The following ABCG8 variants were observed in gnomAD, a reference collection of about 807,000 sequenced individuals.
ABCG8 encodes ATP-binding cassette sub-family G member 8.
ABCG8 carries 81 observed loss-of-function variants against 71.3 expected under a neutral mutation model. The ratio of observed to expected loss-of-function variants is 1.14; its 90% CI spans 0.95 to 1.37. The LOEUF (loss-of-function observed/expected upper bound fraction) is 1.37. ABCG8 is among the 40% of genes most tolerant of loss of function. ABCG8 has a pLI of 0.00. For synonymous variants in ABCG8, 451 were observed against 354.7 expected (o/e 1.27, Z -3.05); for missense variants, 1,119 against 866.2 (o/e 1.29, Z -3.66).
In ABCG8 at chr2:43,881,845, T is replaced by G. The variant is rs1269624342; in HGVS notation, c.*3932T>G. The G allele has an allele frequency of 1.3e-5, 2 of 152,130 alleles. No individual in the cohort carries two copies. The highest frequency in any genetic ancestry group is 2.9e-5 in the Non-Finnish European group (2 of 68,042). The allele number at this position is 152,130 out of a possible 1,614,324, so 9.4% of individuals were successfully genotyped here. On this transcript the variant is annotated 3_prime_UTR_variant, in exon 13 of 13. Transcript: ENST00000272286. Reference sequence around the variant, plus strand: ...GCTTGCAAAGTTTTCCTGTTAAGAGTCAGATAGTAAATATTTGGGACTTCG... The same window carrying G: ...GCTTGCAAAGTTTTCCTGTTAAGAGGCAGATAGTAAATATTTGGGACTTCG...
Position 43,878,015 on chromosome 2 carries a change from C to T in ABCG8, c.*102C>T. The stretch of plus-strand genomic sequence containing the variant: ...CCTGGGGACAGTGAGGACAATGACC[C>T]TACAGATGCTCAGCTACATCCGGCC... On this transcript the variant is annotated 3_prime_UTR_variant, in exon 13 of 13. Coordinates refer to ENST00000272286, the MANE Select transcript of ABCG8 (RefSeq NM_022437.3). 1 of 1,547,850 alleles carries T rather than the reference C, an allele frequency of 6.5e-7. No homozygotes were observed. Among genetic ancestry groups the T allele is most frequent in the Non-Finnish European group, 8.8e-7 (1 of 1,132,128 alleles).
In ABCG8 at chr2:43,877,898, A is replaced by G; in HGVS notation, c.2007A>G (p.Pro669=). The change falls in exon 13 of 13, where the codon CCA becomes CCG. Residue 669 remains proline, a synonymous_variant. Coordinates refer to ENST00000272286, the MANE Select transcript of ABCG8 (RefSeq NM_022437.3). ...YVSLRFIKQK[P]SQDW is the part of the protein sequence containing the mutation. ...CCTTAAGGTTCATCAAACAGAAACC[A>G]AGTCAAGACTGGTGATTCACGCCAG... The G allele has an allele frequency of 1.2e-6, 2 of 1,614,080 alleles. No homozygotes were observed. The highest frequency in any genetic ancestry group is 2.7e-5 in the African/African-American group (2 of 75,024).
At position 43,864,468 on chromosome 2, in the gene ABCG8, A is replaced by G. The variant is rs181104515; in HGVS notation, c.965-7508A>G. ...TCTGAATAGAATTCTCACTCTCTGG[A>G]TAGAACTCTATCTATCTAGATAGAA... On this transcript the variant is annotated intron_variant, in intron 6 of 12. Transcript: ENST00000272286. Among the ~76,000 whole-genome samples, 340 of 151,796 alleles carry G rather than the reference A, an allele frequency of 2.2e-3. 1 individual carries two copies. In the Middle Eastern group the frequency reaches 0.024, roughly 11 times the overall value.
chr2:43,874,453 G>C lies in ABCG8; in HGVS notation c.1458G>C (p.Leu486=). 6.2e-7 allele frequency: 1 copy of C among 1,613,884 alleles called. No individual in the cohort carries two copies. The highest frequency in any genetic ancestry group is 8.5e-7 in the Non-Finnish European group (1 of 1,179,856). The change falls in exon 10 of 13, where the codon CTG becomes CTC. Residue 486 remains leucine, a synonymous_variant. Coordinates refer to ENST00000272286, the MANE Select transcript of ABCG8 (RefSeq NM_022437.3). ...AMLYYELEDG[L]YTTGPYFFAK... is the part of the protein sequence containing the mutation. ...TTTACTATGAACTGGAAGACGGGCT[G>C]TACACCACTGGTCCATATTTCTTTG...
chr2:43,850,297 A>G (rs1170538463), intron 3 of ABCG8, among the ~76,000 whole-genome samples: 1 of 152,170 alleles, frequency 6.6e-6, no homozygotes, highest in African/African-American at 2.4e-5. Context: ...TCTGAGCCTG[A>G]GCCCAATCCG....
chr2:43,852,539 G>T (rs918313697), intron 5 of ABCG8, 53 bp downstream of exon 5: 3 of 1,614,034 alleles, frequency 1.9e-6, no homozygotes, highest in Non-Finnish European at 2.5e-6. Context: ...GTCCCCTCAG[G>T]CTTGGCTTGG....
chr2:43,872,196 G>T, intron 7 of ABCG8, 27 bp from the exon 8 acceptor site: 1 of 1,614,016 alleles, frequency 6.2e-7, no homozygotes, highest in South Asian at 1.1e-5. Flanking sequence ...CTGCCCCCAT[G>T]ACCTGGCCAC....
intron 5 of ABCG8, 22 bp downstream of exon 5, chr2:43,852,508 G>T: frequency 2.5e-6 from 4 of 1,613,658 alleles, no homozygotes; most frequent in Non-Finnish European, 3.4e-6. Context: ...GGGGGCAGAT[G>T]GGGGCAGAGG....
In ABCG8 at chr2:43,872,265, G is replaced by T. The variant is rs139902223; in HGVS notation, c.1170G>T (p.Thr390=). ...ACACCAACTGCCTCCCGAGTCCTAC[G>T]AAGATGCCTGGGGCGGTGCAGCAGT... ...PLDTNCLPSP[T]KMPGAVQQFT... is the part of the protein sequence containing the mutation. The change falls in exon 8 of 13, where the codon ACG becomes ACT. Residue 390 remains threonine (T), a synonymous_variant. Coordinates refer to ENST00000272286, the MANE Select transcript of ABCG8 (RefSeq NM_022437.3). The T allele has an allele frequency of 1.2e-6, 2 of 1,613,948 alleles. No individual in the cohort carries two copies. Among genetic ancestry groups the T allele is most frequent in the Admixed American group, 1.7e-5 (1 of 60,014 alleles).
chr2:43,856,310 C>T (rs555565490), intron 6 of ABCG8, among the ~76,000 whole-genome samples: 1 of 151,794 alleles, frequency 6.6e-6, no homozygotes, highest in Admixed American at 6.5e-5. Flanking sequence ...CTCTCACTCT[C>T]TTTGTGGATA....
chr2:43,855,906 C>T (rs1254704968), intron 6 of ABCG8, among the ~76,000 whole-genome samples: 1 of 151,828 alleles, frequency 6.6e-6, no homozygotes, highest in Non-Finnish European at 1.5e-5. Flanking sequence ...AGAATTCTCA[C>T]CATGTGTATT....
intron 6 of ABCG8, among the ~76,000 whole-genome samples, chr2:43,858,127 T>C (rs6544714): frequency 0.44 from 65,767 of 151,006 alleles, 14,961 homozygotes; most frequent in East Asian, 0.86. Flanking sequence ...GATAGAATTC[T>C]CAACATCTAG....
At chr2:43,862,184 C>G (rs984389601) in intron 6 of ABCG8, among the ~76,000 whole-genome samples, 1 of 150,734 alleles carries the variant, frequency 6.6e-6, no homozygotes, top group African/African-American at 2.4e-5. Context: ...AGAATTCTCA[C>G]TATCTATCTT....
In ABCG8 at chr2:43,872,250, C is replaced by T; in HGVS notation, c.1155C>T (p.Cys385=). The T allele has an allele frequency of 6.2e-7, 1 of 1,614,016 alleles. No homozygotes were observed. The highest frequency in any genetic ancestry group is 8.5e-7 in the Non-Finnish European group (1 of 1,180,048). ...GCGTGACCCCACTAGACACCAACTG[C>T]CTCCCGAGTCCTACGAAGATGCCTG... ...ESSVTPLDTN[C]LPSPTKMPGA... is the part of the protein sequence containing the mutation. The change falls in exon 8 of 13, where the codon TGC becomes TGT. Residue 385 remains cysteine, a synonymous_variant. Transcript: ENST00000272286.
At position 43,877,593 on chromosome 2, in the gene ABCG8, CG is replaced by C; in HGVS notation, c.1791del (p.Trp598GlyfsTer6). On this transcript the variant is annotated frameshift_variant, in exon 12 of 13. Coordinates refer to ENST00000272286, the MANE Select transcript of ABCG8 (RefSeq NM_022437.3). LOFTEE classifies it high-confidence loss of function. ...PAWISKVSFLRWCFEGLMKIQ... is the reference protein window; with the variant it reads ...PAWISKVSFLXWCFEGLMKIQ... ...GTGGATTTCCAAAGTGTCCTTCCTG[CG>C]GTGGTGTTTTGAAGGGCTGATGAAG... is the stretch of plus-strand genomic sequence containing the variant. 1 of 1,614,032 alleles carries C rather than the reference CG, an allele frequency of 6.2e-7. No homozygotes were observed. Among genetic ancestry groups the C allele is most frequent in the Non-Finnish European group, 8.5e-7 (1 of 1,180,010 alleles).
At chr2:43,876,621 G>A (rs976051821) in intron 11 of ABCG8, among the ~76,000 whole-genome samples, 1 of 149,854 alleles carries the variant, frequency 6.7e-6, no homozygotes, top group African/African-American at 2.5e-5. Context: ...AGGAGACTGT[G>A]AGAATATGGG....
At chr2:43,854,098 A>G (rs945192311) in intron 6 of ABCG8, among the ~76,000 whole-genome samples, 1 of 152,204 alleles carries the variant, frequency 6.6e-6, no homozygotes, top group Non-Finnish European at 1.5e-5. Flanking sequence ...CCAGAAGTCA[A>G]GTGTCCACAG....
At chr2:43,875,622 A>G (rs1669936784) in intron 11 of ABCG8, among the ~76,000 whole-genome samples, 1 of 152,186 alleles carries the variant, frequency 6.6e-6, no homozygotes, top group Non-Finnish European at 1.5e-5. Context: ...CCCACAGCTG[A>G]TATCCAGAAG....
At chr2:43,863,368 G>A (rs565266379) in intron 6 of ABCG8, among the ~76,000 whole-genome samples, 1 of 151,572 alleles carries the variant, frequency 6.6e-6, no homozygotes, top group Non-Finnish European at 1.5e-5. Context: ...TATCTGCATA[G>A]AATTCTCACT....
Sources: allele counts gnomAD v4.1 joint callset (sites outside exome capture counted in the v4.1 genomes callset), GRCh38; gene constraint gnomAD v4.1.1; transcripts MANE v1.5; gene names NCBI Gene and HGNC (gene_info 2026-07-23, HGNC 2026-07-21).